The following SMAP1 variants were observed in gnomAD, a reference collection of about 807,000 sequenced individuals.
The protein encoded by SMAP1 is small ArfGAP 1.
A neutral mutation model predicts 58.5 loss-of-function variants in SMAP1; 24 were observed. The ratio of observed to expected loss-of-function variants is 0.41; its 90% confidence interval spans 0.30 to 0.58. The LOEUF is 0.58. Ranked by LOEUF, SMAP1 falls within the 20% of genes least tolerant of loss-of-function variation. The pLI is 0.29. For missense variants in SMAP1, 563 were observed against 566.3 expected (o/e 0.99, Z 0.06); for synonymous variants, 216 against 196.6 (o/e 1.10, Z -0.82).
chr6:70,789,814 T>G (rs578015718), intron 4 of SMAP1, among the ~76,000 whole-genome samples: 23 of 151,910 alleles, frequency 1.5e-4, no homozygotes, highest in African/African-American at 5.3e-4. Flanking sequence ...AGCTATGATC[T>G]TCACACTGTA....
chr6:70,755,520 G>A (rs1280680415), intron 3 of SMAP1, among the ~76,000 whole-genome samples: 2 of 152,022 alleles, frequency 1.3e-5, no homozygotes, highest in Non-Finnish European at 2.9e-5. Flanking sequence ...GTAGGCTAAT[G>A]TTAGTGTTCT....
intron 6 of SMAP1, among the ~76,000 whole-genome samples, chr6:70,811,109 C>T (rs1181568642): frequency 6.6e-6 from 1 of 152,088 alleles, no homozygotes; most frequent in Non-Finnish European, 1.5e-5. Flanking sequence ...CTAAAAGATG[C>T]AGATAGAAGA....
intron 6 of SMAP1, among the ~76,000 whole-genome samples, chr6:70,817,824 C>T (rs1268587107): frequency 6.6e-6 from 1 of 152,094 alleles, no homozygotes; most frequent in Admixed American, 6.6e-5. Flanking sequence ...ACCCTTCAAA[C>T]CCATTTCCAA....
At position 70,670,212 on chromosome 6, in the gene SMAP1, A is replaced by C. The variant is rs888394382; in HGVS notation, c.118+2071A>C. ...AGAAGAGAATGGTATCAAGAGTACAAGGGTGCAGCTTGAAGGGCATGAACT... is the reference window on the plus strand; with the variant it reads ...AGAAGAGAATGGTATCAAGAGTACACGGGTGCAGCTTGAAGGGCATGAACT... On this transcript the variant is annotated intron_variant, in intron 1 of 10. Coordinates refer to ENST00000370455, the MANE Select transcript of SMAP1 (RefSeq NM_001044305.3). 2.0e-5 allele frequency among the ~76,000 whole-genome samples: 3 copies of C among 152,200 alleles called. No individual in the cohort carries two copies. In the South Asian group the frequency reaches 6.2e-4, roughly 31 times the overall value.
rs116976388 is a variant in SMAP1, at chr6:70,773,974, A to C, written c.414+549A>C. Among the ~76,000 whole-genome samples, 944 of 152,320 alleles carry C rather than the reference A, an allele frequency of 6.2e-3. 6 individuals are homozygous for C. Among genetic ancestry groups the C allele is most frequent in the Non-Finnish European group, 8.3e-3 (565 of 68,016 alleles). On this transcript the variant is annotated intron_variant, in intron 4 of 10. Transcript: ENST00000370455. ...AGACTGTATATACAACGTTGGTCCT[A>C]TAAGTTTATAATCCCTTATTTTTAC...
At chr6:70,691,535 A>G (rs1416489011) in intron 1 of SMAP1, among the ~76,000 whole-genome samples, 1 of 152,182 alleles carries the variant, frequency 6.6e-6, no homozygotes, top group East Asian at 1.9e-4. Flanking sequence ...GTTATCAAAT[A>G]CTAGATCTTA....
intron 1 of SMAP1, among the ~76,000 whole-genome samples, chr6:70,690,852 C>T (rs571945827): frequency 6.6e-6 from 1 of 151,730 alleles, no homozygotes; most frequent in South Asian, 2.1e-4. Flanking sequence ...TTCTCCTCCT[C>T]CCCCTTCCCC....
At chr6:70,808,424 T>A (rs770647975) in intron 6 of SMAP1, among the ~76,000 whole-genome samples, 1 of 152,200 alleles carries the variant, frequency 6.6e-6, no homozygotes, top group Non-Finnish European at 1.5e-5. Flanking sequence ...GAAAACTTTA[T>A]TTTTAAAAAC....
intron 5 of SMAP1, among the ~76,000 whole-genome samples, chr6:70,794,788 C>CTTTTTTTTTT (rs34050089): frequency 8.7e-6 from 1 of 114,988 alleles, no homozygotes; most frequent in Non-Finnish European, 1.8e-5. Context: ...ATTTTCTTTT[C>CTTTTTTTTTT]TTTTTTTTTT....
intron 1 of SMAP1, among the ~76,000 whole-genome samples, chr6:70,731,969 A>T (rs964144648): frequency 6.6e-6 from 1 of 152,070 alleles, no homozygotes; most frequent in African/African-American, 2.4e-5. Context: ...TTTTCTTATT[A>T]ATTTCTACAT....
intron 6 of SMAP1, among the ~76,000 whole-genome samples, chr6:70,813,211 G>T (rs775627262): frequency 6.6e-6 from 1 of 152,006 alleles, no homozygotes; most frequent in Non-Finnish European, 1.5e-5. Context: ...GCCTATGATA[G>T]TGTAGGAGGT....
intron 5 of SMAP1, among the ~76,000 whole-genome samples, chr6:70,793,096 G>A (rs1329866425): frequency 6.6e-6 from 1 of 152,016 alleles, no homozygotes; most frequent in African/African-American, 2.4e-5. Flanking sequence ...CTGCAGTGGC[G>A]CGATCTCGGC....
chr6:70,737,382 G>C lies in SMAP1; in HGVS notation c.252+4871G>C, dbSNP rs144134744. On this transcript the variant is annotated intron_variant, in intron 2 of 10. Coordinates refer to ENST00000370455, the MANE Select transcript of SMAP1 (RefSeq NM_001044305.3). Reference sequence around the variant, plus strand: ...GGCTGGTCTCAGCGTCCTGACCTCAGGTGATCCACCTGCCTTGGCCTCCCA... The same window carrying C: ...GGCTGGTCTCAGCGTCCTGACCTCACGTGATCCACCTGCCTTGGCCTCCCA... Among the ~76,000 whole-genome samples, 101 of 152,204 alleles carry C rather than the reference G, an allele frequency of 6.6e-4. 2 individuals carry two copies. The highest frequency in any genetic ancestry group is 2.3e-3 in the African/African-American group (97 of 41,534).
At chr6:70,854,564 G>A (rs1234909386) in intron 8 of SMAP1, among the ~76,000 whole-genome samples, 1 of 152,048 alleles carries the variant, frequency 6.6e-6, no homozygotes, top group Admixed American at 6.5e-5. Context: ...AGAGGTTGCA[G>A]TGAGCGGAGA....
At chr6:70,736,305 T>G (rs961888585) in intron 2 of SMAP1, among the ~76,000 whole-genome samples, 1 of 152,218 alleles carries the variant, frequency 6.6e-6, no homozygotes, top group Non-Finnish European at 1.5e-5. Context: ...TAATTGTGTT[T>G]GGTCTTGGGT....
At chr6:70,787,724 G>T (rs147386253) in intron 4 of SMAP1, among the ~76,000 whole-genome samples, 30 of 151,076 alleles carry the variant, frequency 2.0e-4, no homozygotes, top group African/African-American at 6.1e-4. Context: ...GGCCATCAGA[G>T]AAATGCAAAT....
At chr6:70,701,349 A>G (rs1767619929) in intron 1 of SMAP1, among the ~76,000 whole-genome samples, 1 of 151,848 alleles carries the variant, frequency 6.6e-6, no homozygotes, top group South Asian at 2.1e-4. Context: ...CACAGGCATG[A>G]GCCACCATGC....
At chr6:70,705,043 C>G (rs1433510673) in intron 1 of SMAP1, among the ~76,000 whole-genome samples, 2 of 152,110 alleles carry the variant, frequency 1.3e-5, no homozygotes, top group South Asian at 4.1e-4. Flanking sequence ...TGAGGATACC[C>G]AGTAACTAGA....
chr6:70,779,183 G>A (rs775667057), intron 4 of SMAP1, among the ~76,000 whole-genome samples: 2 of 152,196 alleles, frequency 1.3e-5, no homozygotes, highest in Non-Finnish European at 2.9e-5. Flanking sequence ...CTCTTCTCCA[G>A]GGTGTAGGCT....
Sources: allele counts gnomAD v4.1 joint callset (sites outside exome capture counted in the v4.1 genomes callset), GRCh38; gene constraint gnomAD v4.1.1; transcripts MANE v1.5; gene names NCBI Gene and HGNC (gene_info 2026-07-23, HGNC 2026-07-21).